Variants in NRCAM observed in about 807,000 individuals in gnomAD.
NRCAM encodes NgCAM-related cell adhesion molecule.
In NRCAM, 83 loss-of-function variants were observed where a neutral mutation model predicts 156.5. That is an observed-to-expected ratio of 0.53 (90% CI 0.44 to 0.64). The LOEUF (loss-of-function observed/expected upper bound fraction) is 0.64, where lower values mean the gene tolerates loss of function less well. NRCAM is among the 30% of genes least tolerant of loss of function. NRCAM has a pLI of 0.00. For synonymous variants in NRCAM, 538 were observed against 563.9 expected (o/e 0.95, Z 0.65); for missense variants, 1,417 against 1,597.3 (o/e 0.89, Z 1.92).
intron 3 of NRCAM, among the ~76,000 whole-genome samples, chr7:108,289,017 G>A (rs923397405): frequency 7.2e-5 from 11 of 152,136 alleles, no homozygotes; most frequent in Non-Finnish European, 5.9e-5. Flanking sequence ...TGAATTGAAC[G>A]GGGCTGAAAC....
chr7:108,199,266 G>A (rs1031763452), intron 13 of NRCAM, among the ~76,000 whole-genome samples: 1 of 152,110 alleles, frequency 6.6e-6, no homozygotes, highest in African/African-American at 2.4e-5. Context: ...TGTTTCATCT[G>A]TGGTTTATTA....
At chr7:108,251,464 A>T (rs751264082) in intron 3 of NRCAM, among the ~76,000 whole-genome samples, 21 of 152,190 alleles carry the variant, frequency 1.4e-4, no homozygotes, top group Non-Finnish European at 2.9e-4. Flanking sequence ...GCCTTCCTAG[A>T]CTCAACAATG....
chr7:108,273,170 C>T (rs2097437864), intron 3 of NRCAM, among the ~76,000 whole-genome samples: 1 of 152,054 alleles, frequency 6.6e-6, no homozygotes. Context: ...GGGTTGGTTC[C>T]AAGTCTTTGC....
intron 14 of NRCAM, among the ~76,000 whole-genome samples, chr7:108,196,473 A>G (rs2075171251): frequency 3.3e-5 from 5 of 152,240 alleles, no homozygotes; most frequent in Admixed American, 3.3e-4. Flanking sequence ...AAAGAACTCA[A>G]ATAATTCAAT....
chr7:108,283,335 T>C (rs995926395), intron 3 of NRCAM, among the ~76,000 whole-genome samples: 2 of 152,158 alleles, frequency 1.3e-5, no homozygotes, highest in African/African-American at 2.4e-5. Context: ...ATTACATGAG[T>C]GATCATAATA....
chr7:108,266,246 G>A (rs1362313649), intron 3 of NRCAM, among the ~76,000 whole-genome samples: 2 of 152,160 alleles, frequency 1.3e-5, no homozygotes, highest in Admixed American at 6.5e-5. Flanking sequence ...ATTCAGGTTG[G>A]CATGGCCTCA....
At chr7:108,368,693 C>T (rs150782608) in intron 2 of NRCAM, among the ~76,000 whole-genome samples, 1 of 151,988 alleles carries the variant, frequency 6.6e-6, no homozygotes, top group Non-Finnish European at 1.5e-5. Flanking sequence ...GCTGATCTAA[C>T]AAACATGCTG....
chr7:108,280,980 A>G (rs762206883), intron 3 of NRCAM, among the ~76,000 whole-genome samples: 3 of 152,204 alleles, frequency 2.0e-5, no homozygotes, highest in Non-Finnish European at 4.4e-5. Flanking sequence ...TGAAGTCCCA[A>G]CAGTTTTTAG....
Position 108,230,952 on chromosome 7 carries a change from ATAAGAGG to A in NRCAM, c.550+72_550+78del, listed in dbSNP as rs2094252364. On this transcript the variant is annotated intron_variant, in intron 8 of 32. Coordinates refer to ENST00000379028, the MANE Select transcript of NRCAM (RefSeq NM_001037132.4). Reference sequence around the variant, plus strand: ...GCATCTCTAAAACATTTTATGAATCATAAGAGGTAATAATGTATTATGACTGTAAACA... The same window carrying A: ...GCATCTCTAAAACATTTTATGAATCATAATAATGTATTATGACTGTAAACA... The A allele has an allele frequency of 1.2e-5, 14 of 1,123,756 alleles. No individual in the cohort carries two copies. The East Asian group carries it at 3.3e-4, about 26-fold the overall frequency. 69.6% of individuals were successfully genotyped at this position (1,123,756 alleles called of 1,614,324 possible). A position where few individuals can be genotyped will look rare whatever the true frequency, so the allele number is the denominator to read the frequency against.
Position 108,194,354 on chromosome 7 carries a change from G to A in NRCAM, c.1538C>T (p.Pro513Leu), listed in dbSNP as rs1435287889. The A allele has an allele frequency of 1.2e-6, 2 of 1,613,546 alleles. No homozygotes were observed. Among genetic ancestry groups the A allele is most frequent in the Admixed American group, 3.3e-5 (2 of 59,974 alleles). The change falls in exon 16 of 33, where the codon CCT (proline) becomes CTT (leucine). Residue 513 changes from proline (P) to leucine (L), a missense_variant. Physicochemically the swap from Pro to Leu is moderately conservative, Grantham distance 98. Transcript: ENST00000379028. ...TCCTGTACTGTCCTTTTGGGCCACA[G>A]GAATTTCCAAAGTTCCATTTTCATG... ...VLHENGTLEI[P>L]VAQKDSTGTY...
chr7:108,172,713 G>A lies in NRCAM; in HGVS notation c.3187+2609C>T, dbSNP rs531726354. Among the ~76,000 whole-genome samples, 22 of 152,284 alleles carry A rather than the reference G, an allele frequency of 1.4e-4. No individual in the cohort carries two copies. In the East Asian group the frequency reaches 2.1e-3, roughly 15 times the overall value. On this transcript the variant is annotated intron_variant, in intron 28 of 32. Transcript: ENST00000379028. ...CAAAAATAAATGACTCAAAGGTCTC[G>A]CGTATGTAATTATCTTGAGGAGAAT...
At chr7:108,196,292 T>C (rs999857718) in intron 14 of NRCAM, among the ~76,000 whole-genome samples, 3 of 152,116 alleles carry the variant, frequency 2.0e-5, no homozygotes, top group African/African-American at 7.2e-5. Flanking sequence ...GTGTGATGGC[T>C]GAATAAATGG....
chr7:108,421,391 T>A (rs930625872), intron 1 of NRCAM, among the ~76,000 whole-genome samples: 1 of 152,218 alleles, frequency 6.6e-6, no homozygotes, highest in Non-Finnish European at 1.5e-5. Context: ...CATGATCATA[T>A]ATTCAAATGT....
intron 11 of NRCAM, among the ~76,000 whole-genome samples, chr7:108,218,955 C>A (rs1238371871): frequency 6.6e-6 from 1 of 151,988 alleles, no homozygotes; most frequent in Non-Finnish European, 1.5e-5. Context: ...AATTGATAGA[C>A]CATTAGCAAG....
chr7:108,235,245 T>A (rs1589419876), intron 5 of NRCAM, among the ~76,000 whole-genome samples: 2 of 151,804 alleles, frequency 1.3e-5, no homozygotes, highest in East Asian at 3.9e-4. Context: ...GATAAAAGAG[T>A]CTTATTTAGA....
chr7:108,347,122 C>T (rs1194351246), intron 2 of NRCAM, among the ~76,000 whole-genome samples: 1 of 144,176 alleles, frequency 6.9e-6, no homozygotes, highest in Non-Finnish European at 1.5e-5. Flanking sequence ...ACTGCAAGCA[C>T]TGCCTCCCGG....
rs749480667 is a variant in NRCAM at position 108,166,902 on chromosome 7, G to T, written c.3466+19C>A. 6.2e-7 allele frequency: 1 copy of T among 1,612,694 alleles called. No homozygotes were observed. Among genetic ancestry groups the T allele is most frequent in the African/African-American group, 1.3e-5 (1 of 74,874 alleles). On this transcript the variant is annotated intron_variant, in intron 30 of 32. Transcript: ENST00000379028. ...CCACCTCTGAGCGGGAGCCAGAACA[G>T]GTGTGGTGTGAGCCTCACCTGGGCC...
intron 2 of NRCAM, among the ~76,000 whole-genome samples, chr7:108,372,334 G>T (rs1180028410): frequency 2.0e-5 from 3 of 149,478 alleles, no homozygotes; most frequent in Non-Finnish European, 4.4e-5. Context: ...CAACCAAAAT[G>T]AAAAAGAATA....
In NRCAM at chr7:108,376,653, A is replaced by G. The variant is rs556655212; in HGVS notation, c.-174+22783T>C. On this transcript the variant is annotated intron_variant, in intron 2 of 32. Transcript: ENST00000379028. ...TTCTCTTTTCCTATTTTCCTTTTCT[A>G]TCTCTCTCCCAAGTAAGGCCCAGTT... 8.6e-5 allele frequency among the ~76,000 whole-genome samples: 13 copies of G among 152,032 alleles called. No individual in the cohort carries two copies. The East Asian group carries it at 2.3e-3, about 27-fold the overall frequency.
Sources: allele counts gnomAD v4.1 joint callset (sites outside exome capture counted in the v4.1 genomes callset), GRCh38; gene constraint gnomAD v4.1.1; transcripts MANE v1.5; gene names NCBI Gene and HGNC (gene_info 2026-07-23, HGNC 2026-07-21).